Variants in GAK observed in about 807,000 individuals in gnomAD.
The protein encoded by GAK is cyclin G associated kinase.
GAK carries 79 observed loss-of-function variants against 143.9 expected under a neutral mutation model. The observed-to-expected ratio is 0.55, with a 90% CI of 0.46 to 0.66. GAK has a LOEUF of 0.66. Ranked by LOEUF, GAK falls within the 30% of genes least tolerant of loss-of-function variation. The pLI is 0.00. For synonymous variants in GAK, 881 were observed against 765.5 expected (o/e 1.15, Z -2.49); for missense variants, 1,693 against 1,779.7 (o/e 0.95, Z 0.88).
chr4:893,725 A>AC (rs33951409), intron 8 of GAK, 149 bp downstream of exon 8: 2,748 of 856,364 alleles, frequency 3.2e-3, no homozygotes, highest in Middle Eastern at 0.013. Context: ...CTCTCTGGAA[A>AC]CCCCCCCCCC....
intron 23 of GAK, among the ~76,000 whole-genome samples, chr4:860,422 A>G (rs1750069861): frequency 6.6e-6 from 1 of 152,190 alleles, no homozygotes; most frequent in African/African-American, 2.4e-5. Context: ...CTTCATGTAT[A>G]AAGAGCCCTC....
chr4:882,795 G>A lies in GAK; in HGVS notation c.1429C>T (p.Arg477Trp), dbSNP rs1715418470. ...NRVSECGWAA[R>W]RAPHLHTLYN... ...AGGGTGTGCAGGTGTGGGGCCCGCC[G>A]TGCTGCCCAGCCACACTCGGAGACC... The change falls in exon 14 of 28, where the codon CGG (arginine) becomes TGG (tryptophan). Residue 477 changes from arginine to tryptophan, a missense_variant. Transcript: ENST00000314167. 8 of 1,610,088 alleles carry A rather than the reference G, an allele frequency of 5.0e-6. No individual in the cohort carries two copies. Among genetic ancestry groups the A allele is most frequent in the South Asian group, 3.3e-5 (3 of 91,010 alleles).
intron 18 of GAK, among the ~76,000 whole-genome samples, chr4:874,225 GAT>G (rs949201760): frequency 2.0e-5 from 3 of 152,192 alleles, no homozygotes; most frequent in African/African-American, 7.2e-5. Context: ...CCTGCTGTCA[GAT>G]ATGTTACTAC....
intron 24 of GAK, 45 bp from the exon 25 acceptor site, chr4:852,019 G>C: frequency 2.0e-6 from 3 of 1,469,500 alleles, no homozygotes; most frequent in Non-Finnish European, 2.8e-6. Flanking sequence ...TTGTCCATGA[G>C]GGGCAACTAC....
intron 27 of GAK, 47 bp downstream of exon 27, chr4:849,842 CCCG>C: frequency 8.3e-7 from 1 of 1,205,160 alleles, no homozygotes; most frequent in Non-Finnish European, 1.2e-6. Context: ...GGACCCCCCC[CCCG>C]CCCCGCCCCT....
intron 15 of GAK, among the ~76,000 whole-genome samples, chr4:881,570 C>T (rs749709350): frequency 5.3e-5 from 8 of 152,200 alleles, no homozygotes; most frequent in East Asian, 1.9e-4. Context: ...GTGCTCCACA[C>T]GGCACCTGTG....
intron 1 of GAK, among the ~76,000 whole-genome samples, chr4:922,574 A>AT (rs1724080400): frequency 6.6e-6 from 1 of 151,674 alleles, no homozygotes; most frequent in Admixed American, 6.6e-5. Flanking sequence ...CTCTCCTGGA[A>AT]TCAGCACTGA....
chr4:851,375 C>T (rs1257528966), intron 25 of GAK: 9 of 456,272 alleles, frequency 2.0e-5, no homozygotes, highest in Non-Finnish European at 2.0e-5. Flanking sequence ...GGATTATAGG[C>T]GTGAGCCACA....
At chr4:910,988 G>T (rs1157144401) in intron 4 of GAK, among the ~76,000 whole-genome samples, 1 of 152,106 alleles carries the variant, frequency 6.6e-6, no homozygotes, top group Non-Finnish European at 1.5e-5. Flanking sequence ...CAGTCAGCGT[G>T]GGCTCCGGTG....
At chr4:923,761 G>A (rs1177839843) in intron 1 of GAK, among the ~76,000 whole-genome samples, 1 of 152,222 alleles carries the variant, frequency 6.6e-6, no homozygotes, top group Non-Finnish European at 1.5e-5. Context: ...CAGGTTCCCT[G>A]AGGCAGCCTG....
chr4:893,586 C>T (rs1718107479), intron 8 of GAK, 97 bp from the exon 9 acceptor site: 2 of 840,440 alleles, frequency 2.4e-6, no homozygotes, highest in Admixed American at 3.3e-5. Context: ...AGGCCACTCC[C>T]TCTACACACA....
At chr4:879,082 C>T (rs987167364) in intron 15 of GAK, among the ~76,000 whole-genome samples, 2 of 152,204 alleles carry the variant, frequency 1.3e-5, no homozygotes, top group African/African-American at 4.8e-5. Context: ...ACACCTTGAA[C>T]GGAGGAGAGG....
chr4:850,163 G>A, intron 26 of GAK, 95 bp from the exon 27 acceptor site: 2 of 1,238,864 alleles, frequency 1.6e-6, no homozygotes, highest in Non-Finnish European at 2.2e-6. Flanking sequence ...GGAAGTGCCT[G>A]GTCACGTGGG....
At chr4:877,993 A>G (rs1714331838) in intron 15 of GAK, among the ~76,000 whole-genome samples, 184 bp from the exon 16 acceptor site, 1 of 152,158 alleles carries the variant, frequency 6.6e-6, no homozygotes. Context: ...GTGTGTATAC[A>G]TATATGTATT....
At chr4:849,834 A>ACCCC (rs33919242) in intron 27 of GAK, 58 bp downstream of exon 27, 2,060 of 947,688 alleles carry the variant, frequency 2.2e-3, no homozygotes, top group South Asian at 5.6e-3. Flanking sequence ...GCGGGGCAGG[A>ACCCC]CCCCCCCCCC....
chr4:925,315 C>G (rs1199697544), intron 1 of GAK, among the ~76,000 whole-genome samples: 2 of 152,096 alleles, frequency 1.3e-5, no homozygotes. Flanking sequence ...CAACCTTCCC[C>G]CACACAGCCC....
rs1719154731 is a variant in GAK, at chr4:898,095, T to C, written c.589A>G (p.Thr197Ala). The change falls in exon 6 of 28, where the codon ACC (threonine) becomes GCC (alanine). Residue 197 changes from threonine (T) to alanine (A), a missense_variant. By Grantham distance (58) the Thr-to-Ala change is moderately conservative. This residue lies in a region of GAK where 871 missense variants were observed against 991.0 expected (regional missense o/e 0.88). Transcript: ENST00000314167. ...CTGTAGTCAGGGTAGTGCGAGATGG[T>C]CGTGGCACTGCCAAAGTCACACAGC... Reference protein sequence around the residue: ...IKLCDFGSATTISHYPDYSWS... With the variant: ...IKLCDFGSATAISHYPDYSWS... 1 of 1,614,072 alleles carries C rather than the reference T, an allele frequency of 6.2e-7. No individual in the cohort carries two copies. The highest frequency in any genetic ancestry group is 1.1e-5 in the South Asian group (1 of 91,092).
intron 1 of GAK, among the ~76,000 whole-genome samples, chr4:926,227 T>C (rs1683869717): frequency 6.6e-6 from 1 of 152,198 alleles, no homozygotes; most frequent in Admixed American, 6.5e-5. Context: ...GTGACCTCCC[T>C]GTATGTTAAC....
intron 21 of GAK, 32 bp from the exon 22 acceptor site, chr4:866,566 AGCCCG>A: frequency 6.2e-7 from 1 of 1,603,182 alleles, no homozygotes; most frequent in Non-Finnish European, 8.5e-7. Flanking sequence ...GGGAGGACTC[AGCCCG>A]GCTGCCTGAA....
Sources: gnomAD v4.1 joint callset for allele counts (sites outside exome capture counted in the v4.1 genomes callset) on GRCh38, gnomAD v4.1.1 for gene constraint, gnomAD v4.1.1 regional missense constraint, MANE v1.5 for transcripts, NCBI Gene and HGNC (gene_info 2026-07-23, HGNC 2026-07-21) for gene names.